ITGB6: variants seen among roughly 807,000 people sequenced by gnomAD.
ITGB6 encodes integrin subunit beta 6.
A neutral mutation model predicts 84.5 loss-of-function variants in ITGB6; 80 were observed. That is an observed-to-expected ratio of 0.95 (90% CI 0.79 to 1.14). ITGB6 has a LOEUF of 1.14. Ranked by LOEUF, ITGB6 falls within the 50% of genes most tolerant of loss-of-function variation. The pLI is 0.00. For missense variants in ITGB6, 1,006 were observed against 968.0 expected (o/e 1.04, Z -0.52); for synonymous variants, 383 against 354.9 (o/e 1.08, Z -0.89).
rs964592128 is a variant in ITGB6 at position 160,112,160 on chromosome 2, C to T, written c.2021G>A (p.Gly674Glu). 2.5e-6 allele frequency: 4 copies of T among 1,612,682 alleles called. No homozygotes were observed. The Admixed American group carries it at 5.0e-5, about 20-fold the overall frequency. The change falls in exon 13 of 15, where the codon GGA (glycine) becomes GAA (glutamate). Residue 674 changes from glycine (G) to glutamate (E), a missense_variant. Gly to Glu is a moderately conservative substitution (Grantham distance 98). Transcript: ENST00000283249. ...GAATGTAATAAGACATTCATTTTCTCCTTGCAGAGAGCAGGAAACAGAACC... is the reference window on the plus strand; with the variant it reads ...GAATGTAATAAGACATTCATTTTCTTCTTGCAGAGAGCAGGAAACAGAACC... ...KDGSVSCSLQ[G>E]ENECLITFLI...
chr2:160,160,253 G>A (rs975406941), intron 7 of ITGB6, among the ~76,000 whole-genome samples: 1 of 152,154 alleles, frequency 6.6e-6, no homozygotes, highest in Non-Finnish European at 1.5e-5. Context: ...CAGATAAATT[G>A]GAAAGCAGAG....
At chr2:160,161,589 C>T (rs1309563140) in intron 7 of ITGB6, among the ~76,000 whole-genome samples, 1 of 152,122 alleles carries the variant, frequency 6.6e-6, no homozygotes, top group Non-Finnish European at 1.5e-5. Context: ...CCATGCCCGG[C>T]CAGAAAAACT....
At chr2:160,191,321 T>G (rs1686132354) in intron 4 of ITGB6, among the ~76,000 whole-genome samples, 1 of 152,188 alleles carries the variant, frequency 6.6e-6, no homozygotes, top group African/African-American at 2.4e-5. Context: ...AATAACAGAA[T>G]GCTGATTTTG....
At chr2:160,118,203 A>C (rs1264088515) in intron 12 of ITGB6, among the ~76,000 whole-genome samples, 5 of 152,130 alleles carry the variant, frequency 3.3e-5, no homozygotes, top group Non-Finnish European at 5.9e-5. Flanking sequence ...CTGGCAGAGA[A>C]ACAACAAAAA....
intron 10 of ITGB6, among the ~76,000 whole-genome samples, chr2:160,127,699 T>A (rs370772046): frequency 2.0e-5 from 3 of 152,368 alleles, no homozygotes; most frequent in Admixed American, 6.5e-5. Context: ...ACATATTATA[T>A]GAAATAGAAT....
At chr2:160,195,692 G>A in intron 3 of ITGB6, 77 bp from the exon 4 acceptor site, 1 of 1,532,414 alleles carries the variant, frequency 6.5e-7, no homozygotes, top group South Asian at 1.1e-5. Context: ...CGCTGGGTCA[G>A]CTGGCTATTT....
chr2:160,185,271 C>T (rs1685848731), intron 4 of ITGB6, among the ~76,000 whole-genome samples: 1 of 152,198 alleles, frequency 6.6e-6, no homozygotes, highest in South Asian at 2.1e-4. Context: ...TGATAAGCAA[C>T]TTCAGCAAAG....
chr2:160,130,730 T>C (rs1330518608), intron 10 of ITGB6, among the ~76,000 whole-genome samples: 1 of 152,214 alleles, frequency 6.6e-6, no homozygotes, highest in East Asian at 1.9e-4. Context: ...ATCTTTTTGT[T>C]TCTTCCTCAA....
intron 4 of ITGB6, among the ~76,000 whole-genome samples, chr2:160,188,926 G>A (rs934598742): frequency 6.6e-6 from 1 of 152,048 alleles, no homozygotes; most frequent in African/African-American, 2.4e-5. Context: ...CTTAGCTAGA[G>A]GCATCACGCT....
At position 160,172,727 on chromosome 2, in the gene ITGB6, T is replaced by C; in HGVS notation, c.763A>G (p.Lys255Glu). 6.3e-7 allele frequency: 1 copy of C among 1,592,584 alleles called. No homozygotes were observed. Among genetic ancestry groups the C allele is most frequent in the Non-Finnish European group, 8.6e-7 (1 of 1,161,858 alleles). ...AIMQAAVCKE[K>E]IGWRNDSLHL... is the part of the protein sequence containing the mutation. The stretch of plus-strand genomic sequence containing the variant: ...AGGGAGTCATTCCGCCAGCCAATTT[T>C]TTCCTACAGTGAGAAAGAAACATTT... The change falls in exon 6 of 15, where the codon AAA (lysine) becomes GAA (glutamate). Residue 255 changes from lysine (K) to glutamate (E), a missense_variant. Transcript: ENST00000283249.
In ITGB6 at chr2:160,177,282, C is replaced by T. The variant is rs184382695; in HGVS notation, c.594-3143G>A. 4.0e-4 allele frequency among the ~76,000 whole-genome samples: 61 copies of T among 152,148 alleles called. 1 individual carries two copies. The highest frequency in any genetic ancestry group is 1.4e-3 in the African/African-American group (60 of 41,534). On this transcript the variant is annotated intron_variant, in intron 4 of 14. Coordinates refer to ENST00000283249, the MANE Select transcript of ITGB6 (RefSeq NM_000888.5). ...ATTCTAATTTAATTTTAAGAACCAT[C>T]CTGGCCAGGCGCTGTGGCTCACGCC...
chr2:160,130,375 T>C lies in ITGB6; in HGVS notation c.1661-3774A>G, dbSNP rs184666852. 3.9e-5 allele frequency among the ~76,000 whole-genome samples: 6 copies of C among 152,298 alleles called. No homozygotes were observed. The East Asian group carries it at 7.7e-4, about 20-fold the overall frequency. ...ATATATACACATACACACACGTATG[T>C]ATAGATGCTTCTGGACTTATGATAG... On this transcript the variant is annotated intron_variant, in intron 10 of 14. Transcript: ENST00000283249.
intron 12 of ITGB6, 142 bp downstream of exon 12, chr2:160,123,641 ATTTACTCT>A: frequency 1.6e-6 from 1 of 606,572 alleles, no homozygotes; most frequent in Non-Finnish European, 2.9e-6. Flanking sequence ...TATAGGATGC[ATTTACTCT>A]TAAAAAATGA....
chr2:160,113,384 T>C (rs12478021), intron 12 of ITGB6, among the ~76,000 whole-genome samples: 15,687 of 152,278 alleles, frequency 0.1, 1,441 homozygotes, highest in East Asian at 0.3. Context: ...CTTTACATTT[T>C]GTTTGAGATG....
chr2:160,190,698 G>A (rs899186712), intron 4 of ITGB6, among the ~76,000 whole-genome samples: 11 of 152,138 alleles, frequency 7.2e-5, no homozygotes, highest in African/African-American at 2.4e-4. Flanking sequence ...ACAGTCAAGA[G>A]GTAAATAAAG....
At chr2:160,199,479 A>C (rs1298316035) in intron 1 of ITGB6, among the ~76,000 whole-genome samples, 1 of 152,232 alleles carries the variant, frequency 6.6e-6, no homozygotes, top group Non-Finnish European at 1.5e-5. Flanking sequence ...TATGTCTTAT[A>C]AGCCAAAATT....
chr2:160,153,398 A>C (rs1684503018), intron 7 of ITGB6, among the ~76,000 whole-genome samples: 2 of 152,246 alleles, frequency 1.3e-5, no homozygotes, highest in Non-Finnish European at 2.9e-5. Context: ...TAGAAAGCTG[A>C]AATTGGATCC....
chr2:160,138,151 G>A lies in ITGB6; in HGVS notation c.1156C>T (p.Leu386Phe), dbSNP rs781307303. Residue 386 changes from leucine (L) to phenylalanine (F), a missense_variant, in exon 9 of 15, where the codon CTC becomes TTC. Transcript: ENST00000283249. ...ELEVLGDTEG[L>F]NLSFTAICNN... ...CAGATGGCTGTAAATGACAAGTTGA[G>A]TCCTTCAGTGTCTCCTAATACTTCC... is the stretch of plus-strand genomic sequence containing the variant. The A allele has an allele frequency of 5.0e-6, 8 of 1,613,764 alleles. No individual in the cohort carries two copies. The East Asian group carries it at 1.8e-4, about 36-fold the overall frequency.
intron 9 of ITGB6, 58 bp from the exon 10 acceptor site, chr2:160,137,909 A>G: frequency 1.3e-6 from 2 of 1,571,094 alleles, no homozygotes; most frequent in East Asian, 2.3e-5. Flanking sequence ...GAGGTGAAAC[A>G]AGGCTTCACG....
Sources: allele counts gnomAD v4.1 joint callset (sites outside exome capture counted in the v4.1 genomes callset), GRCh38; gene constraint gnomAD v4.1.1; transcripts MANE v1.5; gene names NCBI Gene and HGNC (gene_info 2026-07-23, HGNC 2026-07-21).